The following MED13L variants were observed in gnomAD, a reference collection of about 807,000 sequenced individuals.
MED13L encodes the protein mediator of RNA polymerase II transcription subunit 13-like.
In MED13L, 7 loss-of-function variants were observed where a neutral mutation model predicts 220.9. The ratio of observed to expected loss-of-function variants is 0.03; its 90% CI spans 0.02 to 0.06. The LOEUF (loss-of-function observed/expected upper bound fraction) is 0.06, where lower values mean the gene tolerates loss of function less well. Among genes scored for constraint, MED13L ranks in the 10% least tolerant of loss-of-function variants. The pLI, the probability that MED13L is intolerant of heterozygous loss-of-function variation, is 1.00. For missense variants in MED13L, 1,965 were observed against 2,760.5 expected (o/e 0.71, Z 6.46); for synonymous variants, 1,011 against 1,015.2 (o/e 1.00, Z 0.08).
chr12:116,226,059 CTTTT>C (rs35656992), intron 2 of MED13L, among the ~76,000 whole-genome samples: 2 of 137,946 alleles, frequency 1.4e-5, no homozygotes, highest in Admixed American at 7.3e-5. Flanking sequence ...TAATTTTTAT[CTTTT>C]TTTTTTTTTT....
At chr12:116,100,710 A>C (rs1416039466) in intron 3 of MED13L, among the ~76,000 whole-genome samples, 1 of 151,980 alleles carries the variant, frequency 6.6e-6, no homozygotes, top group African/African-American at 2.4e-5. Context: ...CAGGAGTTTG[A>C]CACCAGACAA....
At chr12:116,049,517 A>T (rs935570719) in intron 4 of MED13L, among the ~76,000 whole-genome samples, 35 of 152,224 alleles carry the variant, frequency 2.3e-4, no homozygotes, top group Admixed American at 2.1e-3. Flanking sequence ...AAAGAAAAAA[A>T]TGATAGATGA....
intron 4 of MED13L, among the ~76,000 whole-genome samples, chr12:116,082,009 T>C (rs1210013062): frequency 1.3e-5 from 2 of 152,236 alleles, no homozygotes; most frequent in African/African-American, 4.8e-5. Flanking sequence ...GAGTGAGTGA[T>C]ATAGAATTAA....
At chr12:116,253,753 G>GTTTTTTTTTTTTTTTTT (rs746923184) in intron 1 of MED13L, among the ~76,000 whole-genome samples, 1 of 76,492 alleles carries the variant, frequency 1.3e-5, no homozygotes, top group African/African-American at 5.4e-5. Flanking sequence ...GGTTTTTTTT[G>GTTTTTTTTTTTTTTTTT]TTTTTTTTTT....
intron 4 of MED13L, among the ~76,000 whole-genome samples, chr12:116,075,388 T>C (rs1870699912): frequency 6.6e-6 from 1 of 152,220 alleles, no homozygotes; most frequent in Non-Finnish European, 1.5e-5. Context: ...GCAGTTTGCA[T>C]AAACGTCCTG....
intron 2 of MED13L, among the ~76,000 whole-genome samples, chr12:116,119,141 T>A (rs1874785788): frequency 6.6e-6 from 1 of 152,132 alleles, no homozygotes; most frequent in Non-Finnish European, 1.5e-5. Flanking sequence ...TCAAATATAA[T>A]CACCCCTAAC....
At chr12:116,146,893 A>G (rs1343051140) in intron 2 of MED13L, among the ~76,000 whole-genome samples, 3 of 152,046 alleles carry the variant, frequency 2.0e-5, no homozygotes, top group African/African-American at 7.2e-5. Context: ...AAAAAAAAGT[A>G]AAAAACCAAA....
intron 14 of MED13L, among the ~76,000 whole-genome samples, chr12:115,999,032 A>G (rs1462836260): frequency 2.6e-5 from 4 of 152,072 alleles, no homozygotes; most frequent in Non-Finnish European, 5.9e-5. Context: ...ATACACTCTG[A>G]GGTGGAAAAA....
intron 2 of MED13L, among the ~76,000 whole-genome samples, chr12:116,214,349 A>T (rs1375513834): frequency 6.6e-6 from 1 of 152,160 alleles, no homozygotes; most frequent in African/African-American, 2.4e-5. Context: ...TTATGCAGTA[A>T]CTCAGTTCTT....
intron 2 of MED13L, among the ~76,000 whole-genome samples, chr12:116,175,978 CT>C (rs773677643): frequency 2.9e-4 from 44 of 152,080 alleles, no homozygotes; most frequent in Non-Finnish European, 6.0e-4. Flanking sequence ...AGAAAACAGT[CT>C]GGCTAGAGAT....
chr12:116,097,714 G>A (rs1872731790), intron 3 of MED13L, among the ~76,000 whole-genome samples: 1 of 152,098 alleles, frequency 6.6e-6, no homozygotes, highest in South Asian at 2.1e-4. Flanking sequence ...TGCCACTTGT[G>A]TATGTCATTT....
chr12:116,264,831 T>G (rs187156039), intron 1 of MED13L, among the ~76,000 whole-genome samples: 12 of 152,124 alleles, frequency 7.9e-5, no homozygotes, highest in Non-Finnish European at 1.0e-4. Context: ...ACCTTCTGAA[T>G]CAAACTTAAA....
At chr12:116,170,158 T>C (rs1256084733) in intron 2 of MED13L, among the ~76,000 whole-genome samples, 1 of 152,256 alleles carries the variant, frequency 6.6e-6, no homozygotes, top group East Asian at 1.9e-4. Flanking sequence ...AGATTCTGTA[T>C]GTTGACACAT....
chr12:116,054,430 CAA>C lies in MED13L; in HGVS notation c.480-31831_480-31830del, dbSNP rs554804313. Among the ~76,000 whole-genome samples, 167 of 152,250 alleles carry C rather than the reference CAA, an allele frequency of 1.1e-3. 1 individual carries two copies. The highest frequency in any genetic ancestry group is 3.9e-3 in the African/African-American group (160 of 41,550). Reference sequence around the variant, plus strand: ...ATGTAACAATCAGTGAGAACTCTGCCAAAGTTTCCCACCACTCTACCTGTATA... The same window carrying C: ...ATGTAACAATCAGTGAGAACTCTGCCAGTTTCCCACCACTCTACCTGTATA... On this transcript the variant is annotated intron_variant, in intron 4 of 30. Transcript: ENST00000281928.
intron 1 of MED13L, among the ~76,000 whole-genome samples, chr12:116,272,961 C>A (rs930929457): frequency 1.3e-5 from 2 of 152,180 alleles, no homozygotes; most frequent in Admixed American, 1.3e-4. Context: ...CTACTAACAA[C>A]AAAATGCTAA....
intron 2 of MED13L, among the ~76,000 whole-genome samples, chr12:116,161,521 T>C (rs886276077): frequency 6.6e-6 from 1 of 152,158 alleles, no homozygotes; most frequent in African/African-American, 2.4e-5. Flanking sequence ...TTAATAAATA[T>C]TTACTGAGTA....
At chr12:115,981,952 A>T in intron 22 of MED13L, 1 of 203,174 alleles carries the variant, frequency 4.9e-6, no homozygotes, top group Non-Finnish European at 1.0e-5. Context: ...GAATATCCCT[A>T]ATCAAAAAAT....
intron 1 of MED13L, among the ~76,000 whole-genome samples, chr12:116,268,827 C>T (rs1349965953): frequency 1.3e-5 from 2 of 152,102 alleles, no homozygotes; most frequent in Non-Finnish European, 2.9e-5. Context: ...ATTTTAATAT[C>T]AAATGTCTTA....
At chr12:116,159,379 G>A (rs1413845723) in intron 2 of MED13L, among the ~76,000 whole-genome samples, 1 of 152,110 alleles carries the variant, frequency 6.6e-6, no homozygotes, top group African/African-American at 2.4e-5. Flanking sequence ...TAACCAAGTG[G>A]ACAGAAAAAG....
Sources: gnomAD v4.1 joint callset for allele counts (sites outside exome capture counted in the v4.1 genomes callset) on GRCh38, gnomAD v4.1.1 for gene constraint, MANE v1.5 for transcripts, NCBI Gene and HGNC (gene_info 2026-07-23, HGNC 2026-07-21) for gene names.